TNRC6C: variants seen among roughly 807,000 people sequenced by gnomAD.
TNRC6C encodes the protein trinucleotide repeat-containing gene 6C protein.
A neutral mutation model predicts 153.7 loss-of-function variants in TNRC6C; 20 were observed. The ratio of observed to expected loss-of-function variants is 0.13; its 90% confidence interval spans 0.09 to 0.19. TNRC6C has a LOEUF of 0.19. Among genes scored for constraint, TNRC6C ranks in the 10% least tolerant of loss-of-function variants. The probability of loss-of-function intolerance (pLI) is 1.00; values close to 1 mark genes in which losing one functional copy is unlikely to be tolerated. For synonymous variants in TNRC6C, 811 were observed against 841.4 expected (o/e 0.96, Z 0.63); for missense variants, 1,987 against 2,172.0 (o/e 0.91, Z 1.69).
At chr17:77,999,719 T>G (rs2071382595), upstream of TNRC6C, among the ~76,000 whole-genome samples, 1 of 152,208 alleles carries the variant, frequency 6.6e-6, no homozygotes, top group South Asian at 2.1e-4. Context: ...GGCCAGGAGC[T>G]GTTTTCATCT....
At chr17:78,045,423 G>A (rs1457273387) in intron 2 of TNRC6C, among the ~76,000 whole-genome samples, 2 of 150,662 alleles carry the variant, frequency 1.3e-5, no homozygotes, top group South Asian at 2.1e-4. Context: ...TTGCCCCATT[G>A]GTGGTTATTT....
At chr17:77,979,157 A>T (rs921389593) in intron 1 of TNRC6C, among the ~76,000 whole-genome samples, 1 of 152,232 alleles carries the variant, frequency 6.6e-6, no homozygotes, top group African/African-American at 2.4e-5. Flanking sequence ...AGAACTGGAC[A>T]CTATTAAAAA....
At chr17:78,030,997 G>T (rs1437409819) in intron 1 of TNRC6C, among the ~76,000 whole-genome samples, 1 of 152,166 alleles carries the variant, frequency 6.6e-6, no homozygotes, top group East Asian at 1.9e-4. Flanking sequence ...TACTCTGGAG[G>T]CTGAGGCAGG....
intron 9 of TNRC6C, among the ~76,000 whole-genome samples, chr17:78,078,660 A>G (rs2073125038): frequency 6.6e-6 from 1 of 152,170 alleles, no homozygotes. Context: ...TGTATAAACG[A>G]CACTCATTAA....
chr17:77,994,768 C>A (rs754773124), intron 1 of TNRC6C, among the ~76,000 whole-genome samples: 6 of 152,100 alleles, frequency 3.9e-5, no homozygotes, highest in Admixed American at 6.5e-5. Flanking sequence ...AACAAAACAA[C>A]AGGCAAGTGC....
chr17:77,986,506 C>A, intron 1 of TNRC6C, among the ~76,000 whole-genome samples: 1 of 151,412 alleles, frequency 6.6e-6, no homozygotes, highest in East Asian at 1.9e-4. Context: ...TTAATTCTTA[C>A]AGAGCTTTCA....
At chr17:78,053,883 A>G (rs1433754034) in intron 3 of TNRC6C, among the ~76,000 whole-genome samples, 1 of 152,138 alleles carries the variant, frequency 6.6e-6, no homozygotes, top group African/African-American at 2.4e-5. Flanking sequence ...AAACAAACAA[A>G]AAAGCTCCAG....
At chr17:78,091,106 C>T (rs2073385212) in intron 13 of TNRC6C, among the ~76,000 whole-genome samples, 1 of 152,112 alleles carries the variant, frequency 6.6e-6, no homozygotes, top group South Asian at 2.1e-4. Flanking sequence ...CACATTTTCA[C>T]CTTAATTTAG....
At position 77,981,141 on chromosome 17, in the gene TNRC6C, A is replaced by C. The variant is rs143151930; in HGVS notation, c.-38+21873A>C. Among the ~76,000 whole-genome samples, 580 of 152,188 alleles carry C rather than the reference A, an allele frequency of 3.8e-3. 1 individual carries two copies. Among genetic ancestry groups the C allele is most frequent in the African/African-American group, 0.013 (560 of 41,518 alleles). ...CAGGCACGTACCATCATGCTAGGCT[A>C]ATTTTTTAAAAAAAATTTTGTAGAG... On this transcript the variant is annotated intron_variant, in intron 1 of 22. Transcript: ENST00000636222.
chr17:77,961,417 A>G (rs2070861696), intron 1 of TNRC6C, among the ~76,000 whole-genome samples: 1 of 152,148 alleles, frequency 6.6e-6, no homozygotes, highest in Non-Finnish European at 1.5e-5. Flanking sequence ...CGGCCTCCCA[A>G]AGTGCTGGGA....
intron 1 of TNRC6C, among the ~76,000 whole-genome samples, chr17:78,027,050 A>G (rs985733597): frequency 7.2e-5 from 11 of 152,186 alleles, no homozygotes; most frequent in Non-Finnish European, 1.2e-4. Flanking sequence ...CAACAAAGCC[A>G]TAAAAGAACA....
intron 1 of TNRC6C, among the ~76,000 whole-genome samples, chr17:78,021,345 G>A (rs937768441): frequency 3.9e-5 from 6 of 152,246 alleles, no homozygotes; most frequent in African/African-American, 1.4e-4. Context: ...CGTGGGCCAC[G>A]CATTCAGACA....
intron 1 of TNRC6C, among the ~76,000 whole-genome samples, chr17:77,998,453 C>T (rs2143129515): frequency 6.6e-6 from 1 of 152,272 alleles, no homozygotes; most frequent in East Asian, 1.9e-4. Context: ...ACCTCTGGGC[C>T]TCCAGTGAAA....
In TNRC6C at chr17:78,086,600, A is replaced by G; in HGVS notation, c.3561+14A>G. On this transcript the variant is annotated intron_variant, in intron 12 of 19. Coordinates refer to ENST00000301624, the Ensembl canonical transcript of TNRC6C. ...CAGGAGCAGCAAGTAGGTGCTACCC[A>G]GATTGATTTTTGTCATGAGCTATAA... The G allele has an allele frequency of 6.2e-7, 1 of 1,612,202 alleles. No homozygotes were observed. Among genetic ancestry groups the G allele is most frequent in the South Asian group, 1.1e-5 (1 of 90,834 alleles).
exon 20 of TNRC6C, chr17:78,107,260 T>C (rs1017803714): frequency 6.6e-6 from 1 of 151,742 alleles, no homozygotes; most frequent in Non-Finnish European, 1.5e-5. Context: ...TGAGGGGTTT[T>C]TTGTTTGTTT....
At chr17:78,059,142 G>C (rs2072715744) in intron 3 of TNRC6C, among the ~76,000 whole-genome samples, 1 of 152,204 alleles carries the variant, frequency 6.6e-6, no homozygotes, top group Admixed American at 6.5e-5. Context: ...TACACCAAAA[G>C]ACAGTCACCT....
intron 2 of TNRC6C, among the ~76,000 whole-genome samples, chr17:78,043,654 T>C (rs2072345612): frequency 1.3e-5 from 2 of 152,216 alleles, no homozygotes; most frequent in Admixed American, 6.5e-5. Context: ...GTTATGCTAG[T>C]AATTACTAGG....
intron 18 of TNRC6C, 95 bp from the exon 22 acceptor site, chr17:78,103,319 T>G: frequency 7.0e-7 from 1 of 1,432,608 alleles, no homozygotes; most frequent in Non-Finnish European, 9.5e-7. Flanking sequence ...TTCCTAGTGT[T>G]TAGTGTATCC....
At position 78,063,684 on chromosome 17, in the gene TNRC6C, C is replaced by T. The variant is rs567265477; in HGVS notation, c.2396-1038C>T. 2.6e-5 allele frequency among the ~76,000 whole-genome samples: 4 copies of T among 152,284 alleles called. No homozygotes were observed. In the South Asian group the frequency reaches 6.2e-4, roughly 24 times the overall value. On this transcript the variant is annotated intron_variant, in intron 3 of 19. Transcript: ENST00000301624. ...GACAGATACCTCAGATCTCTCTCAGCTTGTGGGTGGTACCATAGAAACTGT... is the reference window on the plus strand; with the variant it reads ...GACAGATACCTCAGATCTCTCTCAGTTTGTGGGTGGTACCATAGAAACTGT...
Sources: gnomAD v4.1 joint callset for allele counts (sites outside exome capture counted in the v4.1 genomes callset) on GRCh38, gnomAD v4.1.1 for gene constraint, MANE v1.5 for transcripts, NCBI Gene and HGNC (gene_info 2026-07-23, HGNC 2026-07-21) for gene names.